The following DERA variants were observed in gnomAD, a reference collection of about 807,000 sequenced individuals.
The protein encoded by DERA is deoxyribose-phosphate aldolase.
A neutral mutation model predicts 41.1 loss-of-function variants in DERA; 15 were observed. The observed-to-expected ratio is 0.37, with a 90% CI of 0.24 to 0.56. The LOEUF (loss-of-function observed/expected upper bound fraction) is 0.56. DERA is among the 20% of genes least tolerant of loss of function. The pLI is 0.81. For synonymous variants in DERA, 139 were observed against 137.4 expected, an observed-to-expected ratio of 1.01 and a Z score of -0.08; for missense variants, 396 against 403.4, an observed-to-expected ratio of 0.98 and a Z score of 0.16.
At chr12:16,016,215 T>C (rs1366644288) in intron 6 of DERA, among the ~76,000 whole-genome samples, 1 of 152,208 alleles carries the variant, frequency 6.6e-6, no homozygotes, top group Non-Finnish European at 1.5e-5. Flanking sequence ...GGATCTTTAT[T>C]ATATTGCTCC....
chr12:15,921,573 T>G lies in DERA; in HGVS notation c.31+10159T>G, dbSNP rs1367099217. Reference sequence around the variant, plus strand: ...TCAAGATCTGTATATTGTGGTATTTTGAGGGAGATTATTTTTTCTTCAGTA... The same window carrying G: ...TCAAGATCTGTATATTGTGGTATTTGGAGGGAGATTATTTTTTCTTCAGTA... On this transcript the variant is annotated intron_variant, in intron 1 of 8. Coordinates refer to ENST00000428559, the MANE Select transcript of DERA (RefSeq NM_015954.4). The surrounding 1 kb of genome is among the most constrained non-coding windows in gnomAD (Gnocchi z 5.3). 6.6e-6 allele frequency among the ~76,000 whole-genome samples: 1 copy of G among 152,168 alleles called. No homozygotes were observed. Among genetic ancestry groups the G allele is most frequent in the African/African-American group, 2.4e-5 (1 of 41,442 alleles).
Position 15,993,812 on chromosome 12 carries a change from C to G in DERA, c.637+11376C>G, listed in dbSNP as rs1948818334. On this transcript the variant is annotated intron_variant, in intron 6 of 8. Coordinates refer to ENST00000428559, the MANE Select transcript of DERA (RefSeq NM_015954.4). The surrounding 1 kb of genome is among the most constrained non-coding windows in gnomAD (Gnocchi z 4.4). ...CCTTTGTTGAGTGGAAAACACAGAG[C>G]TCTGTAGAGGAAAGAAGTTATCGTA... Among the ~76,000 whole-genome samples, 3 of 152,106 alleles carry G rather than the reference C, an allele frequency of 2.0e-5. No individual in the cohort carries two copies. The highest frequency in any genetic ancestry group is 2.0e-4 in the Admixed American group (3 of 15,274).
At chr12:15,971,780 A>G (rs1357960334) in intron 5 of DERA, 1 of 168,334 alleles carries the variant, frequency 5.9e-6, no homozygotes, top group Non-Finnish European at 1.3e-5. Context: ...GGCCTCCCAG[A>G]GTGCTGGGAT....
In DERA at chr12:15,989,661, A is replaced by G. The variant is rs934887663; in HGVS notation, c.637+7225A>G. Among the ~76,000 whole-genome samples, 14 of 152,160 alleles carry G rather than the reference A, an allele frequency of 9.2e-5. No homozygotes were observed. Among genetic ancestry groups the G allele is most frequent in the Admixed American group, 5.9e-4 (9 of 15,284 alleles). ...TATTCTTCTCTGTTTTTGTTTTCCC[A>G]TTAATTTAGAATCAGAATCTCAAAG... On this transcript the variant is annotated intron_variant, in intron 6 of 8. Coordinates refer to ENST00000428559, the MANE Select transcript of DERA (RefSeq NM_015954.4). This position sits in a 1 kb window ranked among gnomAD's most constrained non-coding sequence, Gnocchi z 5.2.
chr12:15,930,825 A>G (rs2136130176), intron 1 of DERA, among the ~76,000 whole-genome samples: 1 of 152,238 alleles, frequency 6.6e-6, no homozygotes, highest in African/African-American at 2.4e-5. Flanking sequence ...GTCTTGTATT[A>G]CCTTAAATTC....
rs1269581126 is a variant in DERA, at chr12:15,998,185, C to G, written c.637+15749C>G. Among the ~76,000 whole-genome samples the G allele has an allele frequency of 3.9e-5, 6 of 152,126 alleles. No homozygotes were observed. The highest frequency in any genetic ancestry group is 1.2e-4 in the African/African-American group (5 of 41,420). On this transcript the variant is annotated intron_variant, in intron 6 of 8. Coordinates refer to ENST00000428559, the MANE Select transcript of DERA (RefSeq NM_015954.4). This position sits in a 1 kb window ranked among gnomAD's most constrained non-coding sequence, Gnocchi z 4.8. Reference sequence around the variant, plus strand: ...TGATTTCAGGGGTCATGAACGGAGCCAAGGAAATTCATACTTTGAGAAACA... The same window carrying G: ...TGATTTCAGGGGTCATGAACGGAGCGAAGGAAATTCATACTTTGAGAAACA...
rs1340581773 is a variant in DERA at position 16,003,467 on chromosome 12, A to C, written c.637+21031A>C. 6.6e-6 allele frequency among the ~76,000 whole-genome samples: 1 copy of C among 152,186 alleles called. No homozygotes were observed. The highest frequency in any genetic ancestry group is 1.9e-4 in the East Asian group (1 of 5,196). Reference sequence around the variant, plus strand: ...AATGAGGAAAGCAAAACTGGAGTTCAGAGAGAATCTTTTTGGCTCATTTTG... The same window carrying C: ...AATGAGGAAAGCAAAACTGGAGTTCCGAGAGAATCTTTTTGGCTCATTTTG... On this transcript the variant is annotated intron_variant, in intron 6 of 8. Coordinates refer to ENST00000428559, the MANE Select transcript of DERA (RefSeq NM_015954.4). The surrounding 1 kb of genome is among the most constrained non-coding windows in gnomAD (Gnocchi z 4.8).
At position 15,921,333 on chromosome 12, in the gene DERA, T is replaced by G. The variant is rs1271802840; in HGVS notation, c.31+9919T>G. ...TTCTTGATGATTTTGGAAATTGACA[T>G]AAGGATATCTTCTCTGTGGTCTCAG... is the stretch of plus-strand genomic sequence containing the variant. On this transcript the variant is annotated intron_variant, in intron 1 of 8. Transcript: ENST00000428559. The surrounding 1 kb of genome is among the most constrained non-coding windows in gnomAD (Gnocchi z 5.3). 6.6e-6 allele frequency among the ~76,000 whole-genome samples: 1 copy of G among 152,176 alleles called. No individual in the cohort carries two copies. Among genetic ancestry groups the G allele is most frequent in the Non-Finnish European group, 1.5e-5 (1 of 68,024 alleles).
At chr12:15,997,401 T>C (rs1425463020) in intron 6 of DERA, among the ~76,000 whole-genome samples, 1 of 152,076 alleles carries the variant, frequency 6.6e-6, no homozygotes, top group South Asian at 2.1e-4. Context: ...TGGAAAGATA[T>C]GTTAACAGGG....
rs762295838 is a variant in DERA at position 15,959,877 on chromosome 12, C to T, written c.326C>T (p.Ala109Val). Residue 109 changes from alanine (A) to valine (V), a missense_variant, in exon 4 of 9, where the codon GCT (alanine) becomes GTT (valine). Transcript: ENST00000428559. This position sits in a 1 kb window ranked among gnomAD's most constrained non-coding sequence, Gnocchi z 4.5. ...VCVYPARVCD[A>V]VKALKAAGCN... ...GTTTATCCCGCCCGGGTGTGTGATG[C>T]TGTAAAAGCACTCAAGGCTGCAGGC... 39 of 1,551,432 alleles carry T rather than the reference C, an allele frequency of 2.5e-5. No individual in the cohort carries two copies. The East Asian group carries it at 7.5e-4, about 30-fold the overall frequency.
chr12:15,948,029 C>G (rs1420984108), intron 1 of DERA, among the ~76,000 whole-genome samples: 1 of 152,180 alleles, frequency 6.6e-6, no homozygotes, highest in Non-Finnish European at 1.5e-5. Flanking sequence ...TGAATATTGG[C>G]CCCCATTCTC....
rs1565604797 is a variant in DERA at position 15,983,451 on chromosome 12, C to T, written c.637+1015C>T. 6.6e-6 allele frequency among the ~76,000 whole-genome samples: 1 copy of T among 152,164 alleles called. No individual in the cohort carries two copies. On this transcript the variant is annotated intron_variant, in intron 6 of 8. Transcript: ENST00000428559. The surrounding 1 kb of genome is among the most constrained non-coding windows in gnomAD (Gnocchi z 6.2). ...GTTCTGTGCCTCCTGCCCGGAATGC[C>T]TTTTGCCCAAATAACTCCACATCTT...
In DERA at chr12:16,026,685, A is replaced by G. The variant is rs1949055599; in HGVS notation, c.638-5857A>G. ...ACTAAAAACTATTTATAACCTTCCAAAAGAAAGCACCAGCTCTAGATGGCT... is the reference window on the plus strand; with the variant it reads ...ACTAAAAACTATTTATAACCTTCCAGAAGAAAGCACCAGCTCTAGATGGCT... On this transcript the variant is annotated intron_variant, in intron 6 of 8. Transcript: ENST00000428559. The surrounding 1 kb of genome is among the most constrained non-coding windows in gnomAD (Gnocchi z 4.4). Among the ~76,000 whole-genome samples, 1 of 151,742 alleles carries G rather than the reference A, an allele frequency of 6.6e-6. No individual in the cohort carries two copies. Among genetic ancestry groups the G allele is most frequent in the South Asian group, 2.1e-4 (1 of 4,830 alleles).
chr12:15,917,164 A>T (rs1948206716), intron 1 of DERA, among the ~76,000 whole-genome samples: 1 of 152,176 alleles, frequency 6.6e-6, no homozygotes, highest in African/African-American at 2.4e-5. Context: ...AGAGGCCTTT[A>T]AATTTTGCCT....
Position 15,970,382 on chromosome 12 carries a change from T to G in DERA, c.508+7435T>G, listed in dbSNP as rs1221459891. On this transcript the variant is annotated intron_variant, in intron 5 of 8. Coordinates refer to ENST00000428559, the MANE Select transcript of DERA (RefSeq NM_015954.4). The surrounding 1 kb of genome is among the most constrained non-coding windows in gnomAD (Gnocchi z 4.3). ...GTCTTTAAACGCTTGGATTCTTACT[T>G]AAATCATAATTTTATACATATAAGT... Among the ~76,000 whole-genome samples the G allele has an allele frequency of 6.6e-6, 1 of 152,222 alleles. No individual in the cohort carries two copies. The highest frequency in any genetic ancestry group is 1.5e-5 in the Non-Finnish European group (1 of 68,032).
Position 16,014,925 on chromosome 12 carries a change from G to A in DERA, c.638-17617G>A, listed in dbSNP as rs1004875072. Among the ~76,000 whole-genome samples, 2 of 152,312 alleles carry A rather than the reference G, an allele frequency of 1.3e-5. No homozygotes were observed. The highest frequency in any genetic ancestry group is 6.5e-5 in the Admixed American group (1 of 15,304). On this transcript the variant is annotated intron_variant, in intron 6 of 8. Transcript: ENST00000428559. The surrounding 1 kb of genome is among the most constrained non-coding windows in gnomAD (Gnocchi z 5.4). ...TGGAGTCAAAGGAGATCTTTTTGTAGCTTTAAGATTTGACTGCCCTCCTGG... is the reference window on the plus strand; with the variant it reads ...TGGAGTCAAAGGAGATCTTTTTGTAACTTTAAGATTTGACTGCCCTCCTGG...
In DERA at chr12:15,981,007, A is replaced by G. The variant is rs1948729086; in HGVS notation, c.509-1301A>G. Among the ~76,000 whole-genome samples the G allele has an allele frequency of 6.6e-6, 1 of 152,150 alleles. No homozygotes were observed. The highest frequency in any genetic ancestry group is 2.4e-5 in the African/African-American group (1 of 41,434). On this transcript the variant is annotated intron_variant, in intron 5 of 8. Coordinates refer to ENST00000428559, the MANE Select transcript of DERA (RefSeq NM_015954.4). This position sits in a 1 kb window ranked among gnomAD's most constrained non-coding sequence, Gnocchi z 6.1. ...TTAAGAAATGCTTACCCCAACCCTT[A>G]TTATGAATGTTTCCCTCCTGCTTGG...
rs1948786924 is a variant in DERA, at chr12:15,989,390, C to T, written c.637+6954C>T. On this transcript the variant is annotated intron_variant, in intron 6 of 8. Coordinates refer to ENST00000428559, the MANE Select transcript of DERA (RefSeq NM_015954.4). This position sits in a 1 kb window ranked among gnomAD's most constrained non-coding sequence, Gnocchi z 5.2. ...CTGTACATTTTTAGTTTAGAATTTC[C>T]ATTTGATTCTTTTTTATAATTTTTA... is the stretch of plus-strand genomic sequence containing the variant. 6.6e-6 allele frequency among the ~76,000 whole-genome samples: 1 copy of T among 152,188 alleles called. No homozygotes were observed. Among genetic ancestry groups the T allele is most frequent in the Admixed American group, 6.5e-5 (1 of 15,282 alleles).
intron 1 of DERA, among the ~76,000 whole-genome samples, chr12:15,939,074 G>T (rs1217792019): frequency 1.3e-5 from 2 of 152,102 alleles, no homozygotes; most frequent in African/African-American, 2.4e-5. Context: ...AACAATTTTG[G>T]GTGCTCTGAG....
Sources: gnomAD v4.1 joint callset for allele counts (sites outside exome capture counted in the v4.1 genomes callset) on GRCh38, gnomAD v4.1.1 for gene constraint, Gnocchi (gnomAD v3.1) non-coding constraint, MANE v1.5 for transcripts, NCBI Gene and HGNC (gene_info 2026-07-23, HGNC 2026-07-21) for gene names.